The following ELFN2 variants were observed in gnomAD, a reference collection of about 807,000 sequenced individuals.
The protein encoded by ELFN2 is protein phosphatase 1 regulatory subunit 29.
A neutral mutation model predicts 45.5 loss-of-function variants in ELFN2; 17 were observed. The observed-to-expected ratio is 0.37, with a 90% confidence interval of 0.26 to 0.56. The LOEUF is 0.56. Ranked by LOEUF, ELFN2 falls within the 20% of genes least tolerant of loss-of-function variation. The pLI is 0.77. For synonymous variants in ELFN2, 550 were observed against 551.5 expected (o/e 1.00, Z 0.04); for missense variants, 922 against 1,183.2 (o/e 0.78, Z 3.24).
At chr22:37,423,919 T>C (rs941980197) in intron 1 of ELFN2, among the ~76,000 whole-genome samples, 1 of 152,064 alleles carries the variant, frequency 6.6e-6, no homozygotes, top group Non-Finnish European at 1.5e-5. Flanking sequence ...CAGGTGGTAA[T>C]TGAGCCAAGA....
rs762326049 is a variant in ELFN2 at position 37,387,050 on chromosome 22, G to A, written c.-462-11054C>T. On this transcript the variant is annotated intron_variant, in intron 2 of 2. Transcript: ENST00000402918. The stretch of plus-strand genomic sequence containing the variant: ...AGGTATCGCTGTGAGGGTCTGGCGC[G>A]TGGCACCGTGGCACACGCCAGGCAG... 5.0e-4 allele frequency among the ~76,000 whole-genome samples: 76 copies of A among 152,226 alleles called. 1 individual carries two copies. Among genetic ancestry groups the A allele is most frequent in the Non-Finnish European group, 2.1e-4 (14 of 68,040 alleles).
intron 1 of ELFN2, among the ~76,000 whole-genome samples, chr22:37,425,304 G>T (rs865873849): frequency 1.3e-4 from 20 of 152,192 alleles, no homozygotes; most frequent in African/African-American, 4.8e-4. Context: ...GCTGATGTGA[G>T]AACCTCCTTC....
Position 37,370,004 on chromosome 22 carries a change from G to C in ELFN2, c.*3068C>G, listed in dbSNP as rs1328963082. On this transcript the variant is annotated 3_prime_UTR_variant, in exon 3 of 3. Coordinates refer to ENST00000402918, the MANE Select transcript of ELFN2 (RefSeq NM_052906.5). ...AAAACTCATCCTGAGCAGGACGTGG[G>C]ACACAGATGCAGGCCAGCCTCCGGG... 1 of 152,236 alleles carries C rather than the reference G, an allele frequency of 6.6e-6. No homozygotes were observed. The highest frequency in any genetic ancestry group is 2.4e-5 in the African/African-American group (1 of 41,448). The allele number at this position is 152,236 out of a possible 1,614,324, so 9.4% of individuals were successfully genotyped here. A position where few individuals can be genotyped will look rare whatever the true frequency, so the allele number is the denominator to read the frequency against.
intron 2 of ELFN2, chr22:37,385,140 C>G (rs1931914164): frequency 6.6e-6 from 1 of 152,294 alleles, no homozygotes; most frequent in South Asian, 2.1e-4. Flanking sequence ...CAGCGAAGCC[C>G]CCTGAGAGGT....
chr22:37,373,319 C>T lies in ELFN2; in HGVS notation c.2216G>A (p.Arg739His), dbSNP rs752718592. ...GGAGAGCTGCGAGTAGGTGGAGTCACGCTTGGAGCGGGTCAGCGGCTTGAG... is the reference window on the plus strand; with the variant it reads ...GGAGAGCTGCGAGTAGGTGGAGTCATGCTTGGAGCGGGTCAGCGGCTTGAG... Reference protein sequence around the residue: ...SFLKPLTRSKRDSTYSQLSPR... With the variant: ...SFLKPLTRSKHDSTYSQLSPR... The change falls in exon 3 of 3, where the codon CGT becomes CAT. Residue 739 changes from arginine (R) to histidine (H), a missense_variant. Transcript: ENST00000402918. 1.3e-5 allele frequency: 21 copies of T among 1,613,544 alleles called. No homozygotes were observed. The East Asian group carries it at 2.0e-4, about 15-fold the overall frequency.
chr22:37,426,355 C>T (rs931437440), intron 1 of ELFN2, among the ~76,000 whole-genome samples: 28 of 137,256 alleles, frequency 2.0e-4, no homozygotes, highest in Non-Finnish European at 4.4e-4. Flanking sequence ...CGCGCGCGCG[C>T]GCACACACAC....
At chr22:37,351,499 G>A (rs575167320) in intron 1 of ELFN2, among the ~76,000 whole-genome samples, 1 of 150,198 alleles carries the variant, frequency 6.7e-6, no homozygotes, top group East Asian at 1.9e-4. Context: ...CCCTCCCACT[G>A]CTCTCATCCT....
intron 2 of ELFN2, among the ~76,000 whole-genome samples, chr22:37,380,944 T>C (rs1022430576): frequency 6.6e-6 from 1 of 152,118 alleles, no homozygotes; most frequent in Non-Finnish European, 1.5e-5. Flanking sequence ...GATTATACCT[T>C]CACCATGGAA....
chr22:37,403,805 C>T (rs2145674235), intron 2 of ELFN2, among the ~76,000 whole-genome samples: 1 of 152,366 alleles, frequency 6.6e-6, no homozygotes, highest in East Asian at 1.9e-4. Flanking sequence ...TGTACACGCA[C>T]CTGCACACGC....
rs1283842092 is a variant in ELFN2 at position 37,408,797 on chromosome 22, C to T, written c.-463+8972G>A. Among the ~76,000 whole-genome samples, 7 of 152,156 alleles carry T rather than the reference C, an allele frequency of 4.6e-5. No individual in the cohort carries two copies. In the East Asian group the frequency reaches 1.3e-3, roughly 29 times the overall value. ...TAACCTCTCTGTTCCTCAGTTTCCC[C>T]ACCTGTCAAGTAGGGATGGTGACAG... is the stretch of plus-strand genomic sequence containing the variant. On this transcript the variant is annotated intron_variant, in intron 2 of 2. Transcript: ENST00000402918.
Position 37,371,239 on chromosome 22 carries a change from G to A in ELFN2, c.*1833C>T. On this transcript the variant is annotated 3_prime_UTR_variant, in exon 3 of 3. Coordinates refer to ENST00000402918, the MANE Select transcript of ELFN2 (RefSeq NM_052906.5). The surrounding 1 kb of genome is among the most constrained non-coding windows in gnomAD (Gnocchi z 6.4). ...GGGATGGCACTAGCTTTCCTGGTCA[G>A]AGCCCCTGCCCACCAACAGTGCCGG... 1 of 152,542 alleles carries A rather than the reference G, an allele frequency of 6.6e-6. No homozygotes were observed. The highest frequency in any genetic ancestry group is 2.4e-5 in the African/African-American group (1 of 41,532). 9.4% of individuals were successfully genotyped at this position (152,542 alleles called of 1,614,324 possible). A position where few individuals can be genotyped will look rare whatever the true frequency, so the allele number is the denominator to read the frequency against.
At chr22:37,387,054 C>T (rs2145653378) in intron 2 of ELFN2, among the ~76,000 whole-genome samples, 1 of 152,334 alleles carries the variant, frequency 6.6e-6, no homozygotes, top group East Asian at 1.9e-4. Flanking sequence ...TGGCGCGTGG[C>T]ACCGTGGCAC....
intron 2 of ELFN2, among the ~76,000 whole-genome samples, chr22:37,406,354 G>A (rs112228658): frequency 0.03 from 4,551 of 152,190 alleles, 267 homozygotes; most frequent in African/African-American, 0.1. Context: ...CACTCACAAC[G>A]GAGTGCCGGG....
rs758144404 is a variant in ELFN2, at chr22:37,374,027, A to G, written c.1508T>C (p.Ile503Thr). The G allele has an allele frequency of 5.0e-6, 8 of 1,612,986 alleles. No individual in the cohort carries two copies. The highest frequency in any genetic ancestry group is 5.9e-6 in the Non-Finnish European group (7 of 1,179,984). ...TPKVATKGNY[I>T]EVRTGAGGDG... Reference sequence around the variant, plus strand: ...CCCGCCGGCGCCTGTGCGCACCTCGATATAGTTGCCTTTGGTGGCTACCTT... The same window carrying G: ...CCCGCCGGCGCCTGTGCGCACCTCGGTATAGTTGCCTTTGGTGGCTACCTT... The change falls in exon 3 of 3, where the codon ATC becomes ACC. Residue 503 changes from isoleucine to threonine, a missense_variant. Physicochemically the swap from Ile to Thr is moderately conservative, Grantham distance 89. Around this residue, in one of 2 missense-constraint regions of ELFN2, gnomAD observed 564 missense variants for 642.8 expected, o/e 0.88. Transcript: ENST00000402918.
chr22:37,394,458 C>A (rs1372098220), intron 2 of ELFN2, among the ~76,000 whole-genome samples: 1 of 152,214 alleles, frequency 6.6e-6, no homozygotes, highest in Non-Finnish European at 1.5e-5. Flanking sequence ...GGGCCTGGCC[C>A]GGCCGCCTGT....
intron 2 of ELFN2, among the ~76,000 whole-genome samples, chr22:37,411,168 T>C (rs370414514): frequency 6.6e-6 from 1 of 152,134 alleles, no homozygotes; most frequent in East Asian, 1.9e-4. Context: ...CAACTTGTCA[T>C]GGGTAGAATT....
At chr22:37,419,859 C>T (rs574009637) in intron 1 of ELFN2, among the ~76,000 whole-genome samples, 1 of 152,180 alleles carries the variant, frequency 6.6e-6, no homozygotes, top group Non-Finnish European at 1.5e-5. Context: ...GCCAGCAACT[C>T]GCCGGGTCCT....
chr22:37,407,194 G>A (rs1160055392), intron 2 of ELFN2, among the ~76,000 whole-genome samples: 1 of 152,204 alleles, frequency 6.6e-6, no homozygotes, highest in Admixed American at 6.5e-5. Flanking sequence ...TCGGGACTGG[G>A]AGCCAGGAAG....
Position 37,375,107 on chromosome 22 carries a change from G to A in ELFN2, c.428C>T (p.Thr143Met), listed in dbSNP as rs769922300. 17 of 1,613,616 alleles carry A rather than the reference G, an allele frequency of 1.1e-5. No individual in the cohort carries two copies. The highest frequency in any genetic ancestry group is 4.0e-5 in the African/African-American group (3 of 74,912). ...CGGGCACTCGGAGAAGGCGGTGGGC[G>A]TCACCACCTCGATGAGGTTGTGCTG... ...FVQHNLIEVV[T>M]PTAFSECPSL... Residue 143 changes from threonine (T) to methionine (M), a missense_variant, in exon 3 of 3, where the codon ACG (threonine) becomes ATG (methionine). Physicochemically the swap from Thr to Met is moderately conservative, Grantham distance 81. This residue lies in a region of ELFN2 where 358 missense variants were observed against 540.4 expected (regional missense o/e 0.66). Transcript: ENST00000402918.
Sources: allele counts gnomAD v4.1 joint callset (sites outside exome capture counted in the v4.1 genomes callset), GRCh38; gene constraint gnomAD v4.1.1; regional missense constraint gnomAD v4.1.1; non-coding constraint Gnocchi (gnomAD v3.1); transcripts MANE v1.5; gene names NCBI Gene and HGNC (gene_info 2026-07-23, HGNC 2026-07-21).